SKAP2: variants seen among roughly 807,000 people sequenced by gnomAD.
SKAP2 encodes src kinase-associated phosphoprotein 2.
SKAP2 carries 28 observed loss-of-function variants against 54.9 expected under a neutral mutation model. The ratio of observed to expected loss-of-function variants is 0.51; its 90% CI spans 0.38 to 0.70. SKAP2 has a LOEUF of 0.70. Among genes scored for constraint, SKAP2 ranks in the 30% least tolerant of loss-of-function variants. SKAP2 has a pLI of 0.00. For missense variants in SKAP2, 356 were observed against 424.1 expected (o/e 0.84, Z 1.41); for synonymous variants, 137 against 134.3 (o/e 1.02, Z -0.14).
At chr7:26,799,707 T>C (rs6944580) in intron 4 of SKAP2, among the ~76,000 whole-genome samples, 4,927 of 152,262 alleles carry the variant, frequency 0.032, 249 homozygotes, top group African/African-American at 0.11. Context: ...ATAGACCAAA[T>C]GGATCTAACA....
chr7:26,822,044 CTTTA>C (rs1784392884), intron 4 of SKAP2, among the ~76,000 whole-genome samples: 1 of 144,196 alleles, frequency 6.9e-6, no homozygotes, highest in East Asian at 2.0e-4. Flanking sequence ...CAAATCCAAT[CTTTA>C]TTCTTTATTT....
chr7:26,778,163 T>C (rs971119662), intron 4 of SKAP2, among the ~76,000 whole-genome samples: 1 of 151,912 alleles, frequency 6.6e-6, no homozygotes, highest in Non-Finnish European at 1.5e-5. Flanking sequence ...TCATTATTGG[T>C]ATATACGAAA....
At chr7:26,678,070 G>A (rs1017188598) in intron 11 of SKAP2, among the ~76,000 whole-genome samples, 1 of 152,166 alleles carries the variant, frequency 6.6e-6, no homozygotes, top group African/African-American at 2.4e-5. Context: ...TAATAGCTGC[G>A]TATCCTCAGA....
At chr7:26,761,013 A>G (rs1283018489) in intron 4 of SKAP2, among the ~76,000 whole-genome samples, 1 of 152,222 alleles carries the variant, frequency 6.6e-6, no homozygotes, top group Non-Finnish European at 1.5e-5. Context: ...TTGGGATATC[A>G]GGGAAGAGGT....
Position 26,667,810 on chromosome 7 carries a change from A to G in SKAP2, c.*1856T>C, listed in dbSNP as rs1786136179. 6.6e-6 allele frequency: 1 copy of G among 152,544 alleles called. No homozygotes were observed. Among genetic ancestry groups the G allele is most frequent in the African/African-American group, 2.4e-5 (1 of 41,462 alleles). 9.4% of individuals were successfully genotyped at this position (152,544 alleles called of 1,614,324 possible). A position where few individuals can be genotyped will look rare whatever the true frequency, so the allele number is the denominator to read the frequency against. ...CTTTTCAACCCAAAGCACAAACCCA[A>G]ATCCACAAAGGCTACATTGTCATGG... On this transcript the variant is annotated 3_prime_UTR_variant, in exon 13 of 13. Transcript: ENST00000345317.
chr7:26,793,535 A>G (rs143369380), intron 4 of SKAP2, among the ~76,000 whole-genome samples: 175 of 152,320 alleles, frequency 1.1e-3, no homozygotes, highest in Admixed American at 3.5e-3. Flanking sequence ...CTATTAAACA[A>G]TATAAATAGT....
chr7:26,805,241 G>GAAA (rs1369155540), intron 4 of SKAP2, among the ~76,000 whole-genome samples: 1 of 152,126 alleles, frequency 6.6e-6, no homozygotes, highest in African/African-American at 2.4e-5. Context: ...AGACTATGAT[G>GAAA]TCATATATGT....
chr7:26,757,703 C>A (rs1018868951), intron 4 of SKAP2, among the ~76,000 whole-genome samples: 1 of 152,080 alleles, frequency 6.6e-6, no homozygotes, highest in South Asian at 2.1e-4. Flanking sequence ...TTTTCCAATT[C>A]TGTGAAGAAA....
chr7:26,796,491 G>A (rs1414783788), intron 4 of SKAP2, among the ~76,000 whole-genome samples: 1 of 152,200 alleles, frequency 6.6e-6, no homozygotes, highest in Admixed American at 6.5e-5. Context: ...CCCATACAAA[G>A]TGCCACTGGT....
At chr7:26,673,638 T>C (rs1343539135) in intron 11 of SKAP2, among the ~76,000 whole-genome samples, 1 of 152,060 alleles carries the variant, frequency 6.6e-6, no homozygotes, top group Non-Finnish European at 1.5e-5. Context: ...CAAAATGTAG[T>C]GTGGCAATCA....
At chr7:26,713,343 G>T (rs1787351210) in intron 9 of SKAP2, among the ~76,000 whole-genome samples, 1 of 152,076 alleles carries the variant, frequency 6.6e-6, no homozygotes, top group Non-Finnish European at 1.5e-5. Flanking sequence ...TAGGGACTAG[G>T]TCTGCCTTTT....
chr7:26,672,732 T>C (rs911925313), intron 11 of SKAP2, among the ~76,000 whole-genome samples: 2 of 152,014 alleles, frequency 1.3e-5, no homozygotes, highest in African/African-American at 4.8e-5. Flanking sequence ...CATTAGAGTG[T>C]TGACAAGACT....
intron 4 of SKAP2, chr7:26,742,369 G>A (rs911026416): frequency 4.6e-5 from 7 of 152,102 alleles, no homozygotes; most frequent in African/African-American, 1.7e-4. Flanking sequence ...ACTCTAAAAT[G>A]TTACTGGTCA....
chr7:26,669,127 AAAAT>A lies in SKAP2; in HGVS notation c.*535_*538del, dbSNP rs764800647. 1.3e-5 allele frequency: 2 copies of A among 152,208 alleles called. No individual in the cohort carries two copies. Among genetic ancestry groups the A allele is most frequent in the Admixed American group, 6.5e-5 (1 of 15,268 alleles). The allele number at this position is 152,208 out of a possible 1,614,324, so 9.4% of individuals were successfully genotyped here. A position where few individuals can be genotyped will look rare whatever the true frequency, so the allele number is the denominator to read the frequency against. On this transcript the variant is annotated 3_prime_UTR_variant, in exon 13 of 13. Transcript: ENST00000345317. ...GTACTTAATAGGAATTAAATGTGTGAAAATAAATAATAACAATAAAGTTATCTAT... is the reference window on the plus strand; with the variant it reads ...GTACTTAATAGGAATTAAATGTGTGAAAATAATAACAATAAAGTTATCTAT...
In SKAP2 at chr7:26,741,343, C is replaced by T. The variant is rs567707778; in HGVS notation, c.308-1379G>A. Among the ~76,000 whole-genome samples the T allele has an allele frequency of 7.2e-5, 11 of 151,998 alleles. No individual in the cohort carries two copies. The East Asian group carries it at 2.1e-3, about 29-fold the overall frequency. Reference sequence around the variant, plus strand: ...ACCAGCTTGGGTAACACAGTGAGACCCCCATCTCTACGAAAAATTTAAAAA... The same window carrying T: ...ACCAGCTTGGGTAACACAGTGAGACTCCCATCTCTACGAAAAATTTAAAAA... On this transcript the variant is annotated intron_variant, in intron 4 of 12. Transcript: ENST00000345317.
intron 4 of SKAP2, among the ~76,000 whole-genome samples, chr7:26,752,519 G>C (rs1782708277): frequency 6.6e-6 from 1 of 152,096 alleles, no homozygotes; most frequent in Non-Finnish European, 1.5e-5. Flanking sequence ...AGATCATAGA[G>C]TATCTATAGG....
chr7:26,829,368 T>C (rs1784557989), intron 4 of SKAP2, among the ~76,000 whole-genome samples: 1 of 152,002 alleles, frequency 6.6e-6, no homozygotes, highest in African/African-American at 2.4e-5. Context: ...ACCCTGTCTC[T>C]ACAAAAAAAT....
chr7:26,738,074 G>T (rs143875570), intron 6 of SKAP2, among the ~76,000 whole-genome samples: 1 of 152,226 alleles, frequency 6.6e-6, no homozygotes, highest in Non-Finnish European at 1.5e-5. Flanking sequence ...CTACACCTGT[G>T]AACAGTCACA....
intron 11 of SKAP2, among the ~76,000 whole-genome samples, chr7:26,676,495 T>C (rs188778598): frequency 6.6e-6 from 1 of 152,302 alleles, no homozygotes; most frequent in East Asian, 1.9e-4. Flanking sequence ...GGCTTTTATT[T>C]CTTTTTCCCT....
Sources: gnomAD v4.1 joint callset for allele counts (sites outside exome capture counted in the v4.1 genomes callset) on GRCh38, gnomAD v4.1.1 for gene constraint, MANE v1.5 for transcripts, NCBI Gene and HGNC (gene_info 2026-07-23, HGNC 2026-07-21) for gene names.